ULK4: variants seen among roughly 807,000 people sequenced by gnomAD.
The protein encoded by ULK4 is inactive serine/threonine-protein kinase ULK4.
In ULK4, 133 loss-of-function variants were observed where a neutral mutation model predicts 160.6. That is an observed-to-expected ratio of 0.83 (90% confidence interval 0.72 to 0.96). The LOEUF is 0.96. Ranked by LOEUF, ULK4 falls within the 40% of genes least tolerant of loss-of-function variation. The pLI is 0.00. For synonymous variants in ULK4, 534 were observed against 539.8 expected (o/e 0.99, Z 0.15); for missense variants, 1,580 against 1,499.5 (o/e 1.05, Z -0.89).
At chr3:41,799,966 T>G (rs1314732279) in intron 20 of ULK4, among the ~76,000 whole-genome samples, 166 bp downstream of exon 20, 1 of 152,192 alleles carries the variant, frequency 6.6e-6, no homozygotes, top group East Asian at 1.9e-4. Context: ...CAGTTCCAAG[T>G]TTTCAAAATT....
intron 31 of ULK4, among the ~76,000 whole-genome samples, chr3:41,609,687 T>C (rs1016541527): frequency 1.3e-5 from 2 of 152,194 alleles, no homozygotes; most frequent in African/African-American, 4.8e-5. Context: ...TATCTTGTTC[T>C]CTGTCCAGGT....
intron 17 of ULK4, among the ~76,000 whole-genome samples, chr3:41,849,846 G>A (rs1357997593): frequency 1.3e-5 from 2 of 151,946 alleles, no homozygotes; most frequent in African/African-American, 4.8e-5. Flanking sequence ...AAGCTCTAGG[G>A]TACATGTACA....
At chr3:41,885,377 T>G (rs78719651) in intron 16 of ULK4, among the ~76,000 whole-genome samples, 3,087 of 152,240 alleles carry the variant, frequency 0.02, 64 homozygotes, top group East Asian at 0.037. Context: ...TTATGAATAT[T>G]CACTTTTTAC....
At chr3:41,869,818 A>C (rs1697026848) in intron 17 of ULK4, among the ~76,000 whole-genome samples, 1 of 152,172 alleles carries the variant, frequency 6.6e-6, no homozygotes, top group African/African-American at 2.4e-5. Flanking sequence ...AGTACTCTTC[A>C]ATTATTCTTG....
At chr3:41,821,613 C>A (rs1232424542) in intron 18 of ULK4, among the ~76,000 whole-genome samples, 1 of 152,148 alleles carries the variant, frequency 6.6e-6, no homozygotes, top group Non-Finnish European at 1.5e-5. Flanking sequence ...ATGGACTATC[C>A]CTTATTGCTC....
chr3:41,581,852 G>A (rs553365539), intron 31 of ULK4, among the ~76,000 whole-genome samples: 26 of 152,318 alleles, frequency 1.7e-4, no homozygotes, highest in African/African-American at 5.5e-4. Context: ...CAGCAGACTC[G>A]GAGAGGTCAT....
At chr3:41,431,087 C>T (rs2082892979) in intron 34 of ULK4, among the ~76,000 whole-genome samples, 1 of 152,142 alleles carries the variant, frequency 6.6e-6, no homozygotes, top group South Asian at 2.1e-4. Context: ...CGGTGGCGCA[C>T]GCTGGTAATC....
At chr3:41,947,901 G>A (rs1344167980) in intron 2 of ULK4, among the ~76,000 whole-genome samples, 1 of 152,136 alleles carries the variant, frequency 6.6e-6, no homozygotes, top group Non-Finnish European at 1.5e-5. Context: ...TGAAGTGAGT[G>A]AATGAATCTT....
intron 4 of ULK4, among the ~76,000 whole-genome samples, chr3:41,933,865 C>T (rs1317220693): frequency 6.6e-6 from 1 of 151,994 alleles, no homozygotes; most frequent in African/African-American, 2.4e-5. Flanking sequence ...GCCTGGCCAA[C>T]ACGGTAAAAC....
At chr3:41,367,940 C>T (rs75835266) in intron 35 of ULK4, among the ~76,000 whole-genome samples, 7,045 of 152,082 alleles carry the variant, frequency 0.046, 388 homozygotes, top group East Asian at 0.21. Flanking sequence ...CAAAATATTC[C>T]AACTACGTTA....
chr3:41,871,379 A>C (rs538823390), intron 17 of ULK4, among the ~76,000 whole-genome samples: 67 of 152,356 alleles, frequency 4.4e-4, no homozygotes, highest in African/African-American at 1.6e-3. Context: ...ATGTATATTC[A>C]TATGGATATG....
intron 35 of ULK4, among the ~76,000 whole-genome samples, chr3:41,327,969 C>T (rs2080368922): frequency 2.0e-5 from 3 of 152,094 alleles, no homozygotes. Context: ...CTTCTTAAGT[C>T]GTTTGGAAAG....
At chr3:41,255,050 G>C (rs953304317) in intron 35 of ULK4, among the ~76,000 whole-genome samples, 1 of 149,068 alleles carries the variant, frequency 6.7e-6, no homozygotes, top group Non-Finnish European at 1.5e-5. Context: ...CCAAGTAAAA[G>C]ATTTCAAGCT....
chr3:41,605,243 A>T (rs2032319786), intron 31 of ULK4, among the ~76,000 whole-genome samples: 1 of 152,090 alleles, frequency 6.6e-6, no homozygotes, highest in African/African-American at 2.4e-5. Context: ...ACTAGTAGTA[A>T]GATTTAAATA....
intron 2 of ULK4, among the ~76,000 whole-genome samples, chr3:41,940,386 A>T (rs1699913782): frequency 6.6e-6 from 1 of 152,152 alleles, no homozygotes; most frequent in Non-Finnish European, 1.5e-5. Flanking sequence ...GTGTCACCTC[A>T]GTGATTGGTT....
intron 35 of ULK4, among the ~76,000 whole-genome samples, chr3:41,298,615 T>G (rs2079720109): frequency 6.6e-6 from 1 of 152,190 alleles, no homozygotes; most frequent in East Asian, 1.9e-4. Flanking sequence ...TTAAGTCACT[T>G]AACAACCACA....
chr3:41,729,502 C>T (rs2037757679), intron 22 of ULK4, among the ~76,000 whole-genome samples: 1 of 152,218 alleles, frequency 6.6e-6, no homozygotes, highest in Non-Finnish European at 1.5e-5. Context: ...GACCCAATAG[C>T]CACTGTATCT....
At position 41,720,914 on chromosome 3, in the gene ULK4, C is replaced by G. The variant is rs143589402; in HGVS notation, c.2322-3053G>C. 8.5e-5 allele frequency among the ~76,000 whole-genome samples: 13 copies of G among 152,144 alleles called. No homozygotes were observed. The East Asian group carries it at 2.5e-3, about 29-fold the overall frequency. On this transcript the variant is annotated intron_variant, in intron 22 of 36. Coordinates refer to ENST00000301831, the MANE Select transcript of ULK4 (RefSeq NM_017886.4). ...ATACCTGTACACATATGATATGACA[C>G]ATACACATAGTTTGCTATTTATAAC...
intron 35 of ULK4, among the ~76,000 whole-genome samples, chr3:41,375,733 G>A (rs2081474961): frequency 6.7e-6 from 1 of 150,292 alleles, no homozygotes; most frequent in Non-Finnish European, 1.5e-5. Flanking sequence ...AAGACTTCAT[G>A]ACTAAAATAT....
Sources: gnomAD v4.1 joint callset for allele counts (sites outside exome capture counted in the v4.1 genomes callset) on GRCh38, gnomAD v4.1.1 for gene constraint, MANE v1.5 for transcripts, NCBI Gene and HGNC (gene_info 2026-07-23, HGNC 2026-07-21) for gene names.